RSPH6A: variants seen among roughly 807,000 people sequenced by gnomAD.
RSPH6A encodes the protein radial spoke head 6 homolog A, also known as radial spoke head protein 6 homolog A.
A neutral mutation model predicts 66.1 loss-of-function variants in RSPH6A; 49 were observed. That is an observed-to-expected ratio of 0.74 (90% CI 0.59 to 0.94). The LOEUF (loss-of-function observed/expected upper bound fraction) is 0.94, where lower values mean the gene tolerates loss of function less well. Among genes scored for constraint, RSPH6A ranks in the 40% least tolerant of loss-of-function variants. The probability of loss-of-function intolerance (pLI) is 0.00; values close to 1 mark genes in which losing one functional copy is unlikely to be tolerated. For synonymous variants in RSPH6A, 419 were observed against 402.4 expected (o/e 1.04, Z -0.49); for missense variants, 977 against 948.3 (o/e 1.03, Z -0.40).
rs2146284514 is a variant in RSPH6A at position 45,804,154 on chromosome 19, T to C, written c.1653+98A>G. On this transcript the variant is annotated intron_variant, in intron 3 of 5. Coordinates refer to ENST00000221538, the MANE Select transcript of RSPH6A (RefSeq NM_030785.4). This position sits in a 1 kb window ranked among gnomAD's most constrained non-coding sequence, Gnocchi z 5.8. ...GATGAATGAACGAATGAATATTAGT[T>C]GCCCAGCAGAGAGTAAGAGCTTGAT... is the stretch of plus-strand genomic sequence containing the variant. The C allele has an allele frequency of 1.1e-6, 1 of 898,050 alleles. No homozygotes were observed. Among genetic ancestry groups the C allele is most frequent in the East Asian group, 2.5e-5 (1 of 39,974 alleles). The allele number at this position is 898,050 out of a possible 1,614,324, so 55.6% of individuals were successfully genotyped here.
intron 2 of RSPH6A, 137 bp from the exon 3 acceptor site, chr19:45,805,153 T>C (rs1970527889): frequency 2.9e-6 from 2 of 697,804 alleles, no homozygotes; most frequent in Non-Finnish European, 4.7e-6. Context: ...TCCCAGCACT[T>C]TGAAAGGCCG....
In RSPH6A at chr19:45,797,505, CTTTA is replaced by C. The variant is rs199680907; in HGVS notation, c.1917-1403_1917-1400del. On this transcript the variant is annotated intron_variant, in intron 5 of 5. Coordinates refer to ENST00000221538, the MANE Select transcript of RSPH6A (RefSeq NM_030785.4). Reference sequence around the variant, plus strand: ...ATATCAATTTATTTATATTGTGACACTTTATTTATGTCCAACATATCATGTGGGA... The same window carrying C: ...ATATCAATTTATTTATATTGTGACACTTTATGTCCAACATATCATGTGGGA... Among the ~76,000 whole-genome samples the C allele has an allele frequency of 8.4e-3, 1,277 of 152,014 alleles. 26 individuals carry two copies. Among genetic ancestry groups the C allele is most frequent in the Admixed American group, 0.047 (711 of 15,252 alleles).
intron 2 of RSPH6A, among the ~76,000 whole-genome samples, chr19:45,806,266 G>A: frequency 6.6e-6 from 1 of 152,018 alleles, no homozygotes; most frequent in Admixed American, 6.6e-5. Context: ...GGGTGGAGGA[G>A]AAGAAAGAAG....
rs1970617607 is a variant in RSPH6A, at chr19:45,810,805, A to G, written c.686T>C (p.Leu229Pro). The G allele has an allele frequency of 8.7e-6, 14 of 1,612,852 alleles. No homozygotes were observed. Among genetic ancestry groups the G allele is most frequent in the Non-Finnish European group, 1.1e-5 (13 of 1,179,050 alleles). ...CAAGGGGTCCTCAGGCCGCTGGTTCAGGATCTTGGTCAGCAGATTCACCAG... is the reference window on the plus strand; with the variant it reads ...CAAGGGGTCCTCAGGCCGCTGGTTCGGGATCTTGGTCAGCAGATTCACCAG... ...EHLVNLLTKI[L>P]NQRPEDPLSV... is the part of the protein sequence containing the mutation. Residue 229 changes from leucine to proline, a missense_variant, in exon 2 of 6, where the codon CTG (leucine) becomes CCG (proline). Physicochemically the swap from Leu to Pro is moderately conservative, Grantham distance 98. Coordinates refer to ENST00000221538, the MANE Select transcript of RSPH6A (RefSeq NM_030785.4).
At chr19:45,812,348 C>G (rs980231165) in intron 1 of RSPH6A, among the ~76,000 whole-genome samples, 5 of 152,126 alleles carry the variant, frequency 3.3e-5, no homozygotes, top group African/African-American at 9.6e-5. Flanking sequence ...CTCAGCCTCC[C>G]CAACTGCTGG....
In RSPH6A at chr19:45,795,778, A is replaced by T; in HGVS notation, c.*91T>A. The T allele has an allele frequency of 8.5e-7, 1 of 1,177,050 alleles. No homozygotes were observed. Among genetic ancestry groups the T allele is most frequent in the Non-Finnish European group, 1.2e-6 (1 of 834,754 alleles). The allele number at this position is 1,177,050 out of a possible 1,614,324, so 72.9% of individuals were successfully genotyped here. A position where few individuals can be genotyped will look rare whatever the true frequency, so the allele number is the denominator to read the frequency against. On this transcript the variant is annotated 3_prime_UTR_variant, in exon 6 of 6. Coordinates refer to ENST00000221538, the MANE Select transcript of RSPH6A (RefSeq NM_030785.4). Reference sequence around the variant, plus strand: ...TCTATCCCTGCCCTCTGGGGACAGGAAGCACATAGTGAAAATATAATCCAT... The same window carrying T: ...TCTATCCCTGCCCTCTGGGGACAGGTAGCACATAGTGAAAATATAATCCAT...
Position 45,815,195 on chromosome 19 carries a change from G to T in RSPH6A, c.-19C>A, listed in dbSNP as rs1344017871. ...CTCCCATGGTTCGCCAGGAGGCACAGATCTCTAGGAGAAAGGCTTGCAGAC... is the reference window on the plus strand; with the variant it reads ...CTCCCATGGTTCGCCAGGAGGCACATATCTCTAGGAGAAAGGCTTGCAGAC... On this transcript the variant is annotated 5_prime_UTR_variant, in exon 1 of 6. It adds an upstream start codon to the 5' untranslated region. Transcript: ENST00000221538. The T allele has an allele frequency of 1.3e-6, 2 of 1,570,908 alleles. No homozygotes were observed. Among genetic ancestry groups the T allele is most frequent in the Admixed American group, 1.9e-5 (1 of 53,780 alleles).
At chr19:45,805,086 ACT>A in intron 2 of RSPH6A, 70 bp from the exon 3 acceptor site, 1 of 1,360,722 alleles carries the variant, frequency 7.3e-7, no homozygotes. Context: ...CCTCTTCCAG[ACT>A]CTTCTAGAGT....
intron 1 of RSPH6A, among the ~76,000 whole-genome samples, chr19:45,811,496 G>A (rs919096701): frequency 1.3e-5 from 2 of 151,688 alleles, no homozygotes; most frequent in East Asian, 3.9e-4. Context: ...GGAGTGCAGT[G>A]GCACGACCTC....
chr19:45,804,713 T>TCTCCTCGTC lies in RSPH6A; in HGVS notation c.1183_1191dup (p.Asp395_Glu397dup). On this transcript the variant is annotated inframe_insertion, in exon 3 of 6. Transcript: ENST00000221538. The surrounding 1 kb of genome is among the most constrained non-coding windows in gnomAD (Gnocchi z 5.8). ...GACTTAGGGACGATGTCCACGGCCT[T>TCTCCTCGTC]CTCCTCGTCCTCCTCGCCCTCCTCC... The TCTCCTCGTC allele has an allele frequency of 6.2e-7, 1 of 1,612,648 alleles. No individual in the cohort carries two copies. The highest frequency in any genetic ancestry group is 8.5e-7 in the Non-Finnish European group (1 of 1,179,612).
At chr19:45,809,349 G>A (rs961575303) in intron 2 of RSPH6A, among the ~76,000 whole-genome samples, 3 of 134,796 alleles carry the variant, frequency 2.2e-5, no homozygotes, top group Non-Finnish European at 4.6e-5. Context: ...CTGTCGCCCA[G>A]GCTGGAGTGT....
Position 45,815,275 on chromosome 19 carries a change from G to A in RSPH6A, c.-99C>T, listed in dbSNP as rs1401809376. 12 of 1,332,274 alleles carry A rather than the reference G, an allele frequency of 9.0e-6. No homozygotes were observed. The highest frequency in any genetic ancestry group is 3.0e-5 in the African/African-American group (2 of 67,572). The allele number at this position is 1,332,274 out of a possible 1,614,324, so 82.5% of individuals were successfully genotyped here. On this transcript the variant is annotated 5_prime_UTR_variant, in exon 1 of 6. Coordinates refer to ENST00000221538, the MANE Select transcript of RSPH6A (RefSeq NM_030785.4). ...CACCGCCGGTTTCTGAGCACCGAGAGAGGGGGCCGTTACCCGTGGAGGGCG... is the reference window on the plus strand; with the variant it reads ...CACCGCCGGTTTCTGAGCACCGAGAAAGGGGGCCGTTACCCGTGGAGGGCG...
At chr19:45,797,133 T>C (rs1047825149) in intron 5 of RSPH6A, among the ~76,000 whole-genome samples, 1 of 151,552 alleles carries the variant, frequency 6.6e-6, no homozygotes, top group African/African-American at 2.4e-5. Context: ...TCCCAGCACT[T>C]TGGGAGGCCG....
intron 1 of RSPH6A, among the ~76,000 whole-genome samples, chr19:45,811,628 G>T (rs1454145829): frequency 6.6e-6 from 1 of 151,528 alleles, no homozygotes; most frequent in African/African-American, 2.4e-5. Context: ...TTTGTAGAGG[G>T]TTTCGCCATG....
At chr19:45,802,920 A>C (rs1600474002) in intron 3 of RSPH6A, among the ~76,000 whole-genome samples, 1 of 145,986 alleles carries the variant, frequency 6.8e-6, no homozygotes. Context: ...CCATTCTCCT[A>C]CCTCAGCCTC....
rs529295373 is a variant in RSPH6A, at chr19:45,804,256, G to A, written c.1649C>T (p.Pro550Leu). 7.9e-5 allele frequency: 126 copies of A among 1,600,366 alleles called. 1 individual carries two copies. In the East Asian group the frequency reaches 9.7e-4, roughly 12 times the overall value. Residue 550 changes from proline (P) to leucine (L), a missense_variant, in exon 3 of 6, where the codon CCG (proline) becomes CTG (leucine). Transcript: ENST00000221538. This position sits in a 1 kb window ranked among gnomAD's most constrained non-coding sequence, Gnocchi z 5.8. Reference protein sequence around the residue: ...NWVHHTQHILPQGRCTWVNPL... With the variant: ...NWVHHTQHILLQGRCTWVNPL... Reference sequence around the variant, plus strand: ...GGCGGGAGTCCCGGCGCTCACCTGCGGCAGGATGTGCTGTGTGTGATGCAC... The same window carrying A: ...GGCGGGAGTCCCGGCGCTCACCTGCAGCAGGATGTGCTGTGTGTGATGCAC...
chr19:45,814,733 C>T lies in RSPH6A; in HGVS notation c.444G>A (p.Gln148=), dbSNP rs1309228970. 6.2e-7 allele frequency: 1 copy of T among 1,613,752 alleles called. No homozygotes were observed. The highest frequency in any genetic ancestry group is 1.7e-5 in the Admixed American group (1 of 59,966). ...ACTGGTCTGTCTGGTAGAGGTTGAA[C>T]TGGCCCAAGGGGTTGACTGGGGGCT... ...FQEPPVNPLG[Q]FNLYQTDQFS... is the part of the protein sequence containing the mutation. The change falls in exon 1 of 6, where the codon CAG becomes CAA. Residue 148 remains glutamine (Q), a synonymous_variant. Transcript: ENST00000221538.
Position 45,795,937 on chromosome 19 carries a change from CT to C in RSPH6A, c.2085del (p.Ala696ProfsTer44), listed in dbSNP as rs761479004. Reference protein sequence around the residue: ...EEQALKAAQEQALGATEEEEE... With the variant: ...EEQALKAAQEXALGATEEEEE... Reference sequence around the variant, plus strand: ...TCCTCCTCCTCTGTGGCTCCCAGGGCTTGTTCCTGGGCTGCTTTCAGAGCCT... The same window carrying C: ...TCCTCCTCCTCTGTGGCTCCCAGGGCTGTTCCTGGGCTGCTTTCAGAGCCT... On this transcript the variant is annotated frameshift_variant, in exon 6 of 6. Coordinates refer to ENST00000221538, the MANE Select transcript of RSPH6A (RefSeq NM_030785.4). LOFTEE classifies it high-confidence loss of function. 1.2e-6 allele frequency: 2 copies of C among 1,613,974 alleles called. No individual in the cohort carries two copies. The highest frequency in any genetic ancestry group is 1.7e-6 in the Non-Finnish European group (2 of 1,180,000).
chr19:45,815,149 G>A lies in RSPH6A; in HGVS notation c.28C>T (p.Arg10Cys). 1.2e-6 allele frequency: 2 copies of A among 1,608,650 alleles called. No homozygotes were observed. The highest frequency in any genetic ancestry group is 1.7e-6 in the Non-Finnish European group (2 of 1,179,398). Residue 10 changes from arginine to cysteine, a missense_variant, in exon 1 of 6, where the codon CGC (arginine) becomes TGC (cysteine). By Grantham distance (180) the Arg-to-Cys change is radical. Transcript: ENST00000221538. Reference protein sequence around the residue: MGDLPPYPERPAQQPPGRRT... With the variant: MGDLPPYPECPAQQPPGRRT... ...CGGCCCGGAGGCTGCTGGGCAGGGC[G>A]CTCAGGGTAGGGCGGCAGGTCTCCC...
Sources: gnomAD v4.1 joint callset for allele counts (sites outside exome capture counted in the v4.1 genomes callset) on GRCh38, gnomAD v4.1.1 for gene constraint, Gnocchi (gnomAD v3.1) non-coding constraint, MANE v1.5 for transcripts, NCBI Gene and HGNC (gene_info 2026-07-23, HGNC 2026-07-21) for gene names.